PDE11A: variants seen among roughly 807,000 people sequenced by gnomAD.
PDE11A encodes phosphodiesterase 11A.
PDE11A carries 100 observed loss-of-function variants against 100.5 expected under a neutral mutation model. That is an observed-to-expected ratio of 1.00 (90% CI 0.85 to 1.18). PDE11A has a LOEUF of 1.18. PDE11A is among the 50% of genes most tolerant of loss of function. The pLI, the probability that PDE11A is intolerant of heterozygous loss-of-function variation, is 0.00. For missense variants in PDE11A, 1,141 were observed against 1,152.6 expected, an observed-to-expected ratio of 0.99 and a Z score of 0.15; for synonymous variants, 381 against 420.8, an observed-to-expected ratio of 0.91 and a Z score of 1.16.
At chr2:178,006,378 A>T (rs1368608605) in intron 2 of PDE11A, among the ~76,000 whole-genome samples, 2 of 152,212 alleles carry the variant, frequency 1.3e-5, no homozygotes, top group African/African-American at 4.8e-5. Flanking sequence ...TAAGAATATA[A>T]GGAAAAGTAT....
At chr2:177,826,562 T>C (rs1046581896) in intron 6 of PDE11A, among the ~76,000 whole-genome samples, 1 of 152,202 alleles carries the variant, frequency 6.6e-6, no homozygotes, top group Non-Finnish European at 1.5e-5. Flanking sequence ...ATAGGATAAA[T>C]CCTAATGGTT....
chr2:177,647,682 A>T (rs1169045966), intron 19 of PDE11A, among the ~76,000 whole-genome samples: 2 of 152,148 alleles, frequency 1.3e-5, no homozygotes, highest in African/African-American at 4.8e-5. Flanking sequence ...AATGTCCCGG[A>T]TCTACAGAGG....
At chr2:177,984,861 C>T (rs890005739) in intron 2 of PDE11A, among the ~76,000 whole-genome samples, 11 of 152,182 alleles carry the variant, frequency 7.2e-5, no homozygotes, top group Non-Finnish European at 1.6e-4. Flanking sequence ...TCCCAGCTCG[C>T]CTTGTAGAGC....
intron 5 of PDE11A, among the ~76,000 whole-genome samples, chr2:177,845,593 G>A (rs1196262241): frequency 3.9e-5 from 6 of 152,168 alleles, no homozygotes; most frequent in Non-Finnish European, 5.9e-5. Flanking sequence ...ACGATGGGTG[G>A]CTGGGCAGAG....
chr2:178,071,679 C>A lies in PDE11A; in HGVS notation c.759G>T (p.Leu253Phe). ...CATGCACATCAAAGAATTTGGAGACCAAGGTCTTCTTGCCAGCAGCTGCCC... is the reference window on the plus strand; with the variant it reads ...CATGCACATCAAAGAATTTGGAGACAAAGGTCTTCTTGCCAGCAGCTGCCC... ...VEGAAAGKKT[L>F]VSKFFDVHAG... Residue 253 changes from leucine (L) to phenylalanine (F), a missense_variant, in exon 1 of 20, where the codon TTG (leucine) becomes TTT (phenylalanine). Physicochemically the swap from Leu to Phe is conservative, Grantham distance 22 (BLOSUM62 0). Transcript: ENST00000286063. The A allele has an allele frequency of 1.2e-6, 2 of 1,613,626 alleles. No homozygotes were observed. Among genetic ancestry groups the A allele is most frequent in the South Asian group, 1.1e-5 (1 of 91,038 alleles).
intron 1 of PDE11A, among the ~76,000 whole-genome samples, chr2:178,052,827 C>A (rs1033900726): frequency 2.0e-4 from 31 of 152,096 alleles, no homozygotes; most frequent in Non-Finnish European, 2.5e-4. Flanking sequence ...GAAGCTGAAT[C>A]CCTGAATAGA....
intron 9 of PDE11A, among the ~76,000 whole-genome samples, chr2:177,798,336 T>G (rs1224673132): frequency 6.6e-6 from 1 of 152,220 alleles, no homozygotes; most frequent in East Asian, 1.9e-4. Flanking sequence ...CTGTCCTCTA[T>G]TAGACTGAAA....
chr2:177,629,689 G>T, intron 19 of PDE11A, 127 bp from the exon 20 acceptor site: 1 of 951,480 alleles, frequency 1.1e-6, no homozygotes, highest in Non-Finnish European at 1.7e-6. Flanking sequence ...TGATTATTTT[G>T]GTAAACAAGA....
At chr2:177,753,449 G>A (rs1333405018) in intron 10 of PDE11A, among the ~76,000 whole-genome samples, 2 of 152,048 alleles carry the variant, frequency 1.3e-5, no homozygotes, top group African/African-American at 4.8e-5. Flanking sequence ...AGAAATTAGA[G>A]TAGACAGGTG....
In PDE11A at chr2:177,745,210, C is replaced by T. The variant is rs76123850; in HGVS notation, c.1789-17038G>A. ...AATCATGGCATGAAAGAGAGAGAAA[C>T]TGGTATATTGAAAAAGAAGGAGAAA... On this transcript the variant is annotated intron_variant, in intron 10 of 19. Transcript: ENST00000286063. 3.3e-3 allele frequency among the ~76,000 whole-genome samples: 495 copies of T among 152,226 alleles called. 5 individuals carry two copies. In the East Asian group the frequency reaches 0.048, roughly 15 times the overall value.
chr2:177,892,665 G>A (rs144528302), intron 4 of PDE11A, among the ~76,000 whole-genome samples: 15 of 152,290 alleles, frequency 9.8e-5, no homozygotes, highest in African/African-American at 3.6e-4. Flanking sequence ...GTGCTTGGAG[G>A]AGACATGGCT....
chr2:177,631,428 C>T (rs2079922692), intron 19 of PDE11A, among the ~76,000 whole-genome samples: 1 of 126,646 alleles, frequency 7.9e-6, no homozygotes, highest in East Asian at 2.4e-4. Flanking sequence ...TTGCAGTGGG[C>T]TGAGATCACA....
intron 12 of PDE11A, among the ~76,000 whole-genome samples, chr2:177,722,437 T>C (rs906569085): frequency 1.3e-5 from 2 of 152,148 alleles, no homozygotes; most frequent in Non-Finnish European, 2.9e-5. Flanking sequence ...TTCTGCCCAA[T>C]TGTATGTTTG....
At chr2:177,859,111 G>A (rs868426985) in intron 5 of PDE11A, among the ~76,000 whole-genome samples, 3 of 152,086 alleles carry the variant, frequency 2.0e-5, no homozygotes, top group East Asian at 1.9e-4. Context: ...TGGGGGGATC[G>A]GGGAGGGATA....
intron 16 of PDE11A, among the ~76,000 whole-genome samples, chr2:177,679,780 G>C (rs2080833118): frequency 6.6e-6 from 1 of 151,968 alleles, no homozygotes; most frequent in South Asian, 2.1e-4. Flanking sequence ...TAATAAAACA[G>C]ATTTTGAAAA....
chr2:178,096,868 T>C (rs1321098216), intron 2 of PDE11A, among the ~76,000 whole-genome samples: 1 of 152,108 alleles, frequency 6.6e-6, no homozygotes, highest in Non-Finnish European at 1.5e-5. Flanking sequence ...CAGTTAGCCA[T>C]AGCTGAAACT....
chr2:178,072,798 C>T, upstream of PDE11A: 1 of 1,226,066 alleles, frequency 8.2e-7, no homozygotes, highest in Non-Finnish European at 1.0e-6. Flanking sequence ...ACCGCTGTGA[C>T]AGGGAGGTAG....
chr2:177,726,696 CT>C (rs2081604932), intron 12 of PDE11A, among the ~76,000 whole-genome samples: 1 of 133,448 alleles, frequency 7.5e-6, no homozygotes, highest in East Asian at 2.4e-4. Context: ...GCAGAATTGT[CT>C]TTGTTCATTT....
chr2:177,730,412 T>G (rs2081667401), intron 10 of PDE11A, among the ~76,000 whole-genome samples: 1 of 152,198 alleles, frequency 6.6e-6, no homozygotes, highest in South Asian at 2.1e-4. Context: ...TGAAGATCTC[T>G]TCCTCTCTTT....
Sources: gnomAD v4.1 joint callset for allele counts (sites outside exome capture counted in the v4.1 genomes callset) on GRCh38, gnomAD v4.1.1 for gene constraint, MANE v1.5 for transcripts, NCBI Gene and HGNC (gene_info 2026-07-23, HGNC 2026-07-21) for gene names.